The following CTR9 variants were observed in gnomAD, a reference collection of about 807,000 sequenced individuals.
CTR9 encodes the protein RNA polymerase-associated protein CTR9 homolog.
In CTR9, 41 loss-of-function variants were observed where a neutral mutation model predicts 152.1. The ratio of observed to expected loss-of-function variants is 0.27; its 90% CI spans 0.21 to 0.35. The LOEUF (loss-of-function observed/expected upper bound fraction) is 0.35. Ranked by LOEUF, CTR9 falls within the 10% of genes least tolerant of loss-of-function variation. The pLI, the probability that CTR9 is intolerant of heterozygous loss-of-function variation, is 1.00. For synonymous variants in CTR9, 476 were observed against 496.2 expected (o/e 0.96, Z 0.54); for missense variants, 917 against 1,424.4 (o/e 0.64, Z 5.73).
At chr11:10,769,767 T>A (rs756390394) in intron 16 of CTR9, among the ~76,000 whole-genome samples, 22 of 152,214 alleles carry the variant, frequency 1.4e-4, no homozygotes, top group Admixed American at 4.6e-4. Flanking sequence ...ACCAAGAAGT[T>A]AACAACCAGA....
intron 24 of CTR9, among the ~76,000 whole-genome samples, chr11:10,777,269 C>T (rs775382089): frequency 4.0e-5 from 6 of 151,782 alleles, no homozygotes; most frequent in Admixed American, 6.6e-5. Flanking sequence ...AGGTGGCTCA[C>T]GCCTATAATC....
rs371896527 is a variant in CTR9 at position 10,770,226 on chromosome 11, G to A, written c.2126G>A (p.Arg709Gln). 2.1e-5 allele frequency: 33 copies of A among 1,608,406 alleles called. No homozygotes were observed. The highest frequency in any genetic ancestry group is 2.4e-5 in the Non-Finnish European group (28 of 1,178,478). Reference sequence around the variant, plus strand: ...TTACTGTAGTATGAAAACTGCCTCCGAAAGTTCTATAAGCACCAAAACACT... The same window carrying A: ...TTACTGTAGTATGAAAACTGCCTCCAAAAGTTCTATAAGCACCAAAACACT... ...SAVQMYENCL[R>Q]KFYKHQNTEV... is the part of the protein sequence containing the mutation. The change falls in exon 17 of 25, where the codon CGA (arginine) becomes CAA (glutamine). Residue 709 changes from arginine (R) to glutamine (Q), a missense_variant. Around this residue, in one of 9 missense-constraint regions of CTR9, gnomAD observed 87 missense variants for 235.7 expected, o/e 0.37. Coordinates refer to ENST00000361367, the MANE Select transcript of CTR9 (RefSeq NM_014633.5).
At chr11:10,753,683 A>AAT (rs947076737) in intron 2 of CTR9, among the ~76,000 whole-genome samples, 39 of 148,236 alleles carry the variant, frequency 2.6e-4, no homozygotes, top group African/African-American at 9.3e-4. Context: ...ATGTATATAT[A>AAT]ATATATATTA....
In CTR9 at chr11:10,756,734, T is replaced by C. The variant is rs776605267; in HGVS notation, c.503-15T>C. The C allele has an allele frequency of 1.3e-6, 2 of 1,589,960 alleles. No individual in the cohort carries two copies. The highest frequency in any genetic ancestry group is 2.2e-5 in the East Asian group (1 of 44,674). On this transcript the variant is annotated splice_polypyrimidine_tract_variant and intron_variant, in intron 4 of 24. Coordinates refer to ENST00000361367, the MANE Select transcript of CTR9 (RefSeq NM_014633.5). Reference sequence around the variant, plus strand: ...TTTAATCAGACACTGTGTTTATTTTTAAAAATCATTACAGGTAAAGCTTGC... The same window carrying C: ...TTTAATCAGACACTGTGTTTATTTTCAAAAATCATTACAGGTAAAGCTTGC...
chr11:10,777,579 T>A (rs893609710), intron 24 of CTR9, among the ~76,000 whole-genome samples: 1 of 152,134 alleles, frequency 6.6e-6, no homozygotes, highest in African/African-American at 2.4e-5. Flanking sequence ...CTGAGCACTA[T>A]TAAATGTGTT....
Position 10,778,851 on chromosome 11 carries a change from C to A in CTR9, c.3268C>A (p.Pro1090Thr). Residue 1090 changes from proline (P) to threonine (T), a missense_variant, in exon 25 of 25, where the codon CCA becomes ACA. Physicochemically the swap from Pro to Thr is conservative, Grantham distance 38. This residue lies in a region of CTR9 where 384 missense variants were observed against 398.4 expected (regional missense o/e 0.96). Transcript: ENST00000361367. ...RSDQDSDSDQ[P>T]SRKRRPSGSE... ...AGATCAGGACTCAGACAGTGACCAG[C>A]CATCCAGAAAGAGAAGGCCCTCCGG... is the stretch of plus-strand genomic sequence containing the variant. 6.2e-7 allele frequency: 1 copy of A among 1,614,234 alleles called. No individual in the cohort carries two copies. The highest frequency in any genetic ancestry group is 8.5e-7 in the Non-Finnish European group (1 of 1,180,036).
At chr11:10,766,349 T>C in intron 12 of CTR9, 53 bp from the exon 13 acceptor site, 7 of 1,355,524 alleles carry the variant, frequency 5.2e-6, no homozygotes, top group East Asian at 2.3e-5. Flanking sequence ...TTTAAAATTA[T>C]GATCCTTTAT....
At chr11:10,774,271 C>G (rs1246676958) in intron 22 of CTR9, 102 bp downstream of exon 22, 10 of 1,397,858 alleles carry the variant, frequency 7.2e-6, no homozygotes, top group Non-Finnish European at 9.6e-6. Context: ...ACACTTGATC[C>G]AAACAGTGAA....
chr11:10,772,227 C>T (rs762432702), intron 19 of CTR9, among the ~76,000 whole-genome samples: 6 of 151,890 alleles, frequency 4.0e-5, no homozygotes, highest in Admixed American at 1.3e-4. Flanking sequence ...TGGTGGTGCA[C>T]ACCTGTAATC....
chr11:10,763,304 A>C (rs1406739533), intron 7 of CTR9, 127 bp from the exon 8 acceptor site: 1 of 695,902 alleles, frequency 1.4e-6, no homozygotes, highest in African/African-American at 1.8e-5. Context: ...TATAGCACTG[A>C]AAGGCAACTA....
chr11:10,764,283 T>G (rs780346530), intron 10 of CTR9, 25 bp from the exon 11 acceptor site: 6 of 1,613,834 alleles, frequency 3.7e-6, no homozygotes, highest in Non-Finnish European at 5.1e-6. Context: ...ACTTACACCT[T>G]TTTCTGTCAA....
intron 16 of CTR9, among the ~76,000 whole-genome samples, chr11:10,769,275 A>C (rs746753179): frequency 6.6e-6 from 1 of 152,222 alleles, no homozygotes; most frequent in African/African-American, 2.4e-5. Flanking sequence ...ATGACTGTAG[A>C]ATTTTTTTAT....
At position 10,763,007 on chromosome 11, in the gene CTR9, C is replaced by CA. The variant is rs765448315; in HGVS notation, c.850-410dup. Among the ~76,000 whole-genome samples, 1,023 of 114,072 alleles carry CA rather than the reference C, an allele frequency of 9.0e-3. 11 individuals carry two copies. Among genetic ancestry groups the CA allele is most frequent in the Middle Eastern group, 0.048 (9 of 186 alleles). 74.8% of individuals were successfully genotyped at this position (114,072 alleles called of 152,430 possible). ...CATGCAACAGAGTGAGACCCTGTCT[C>CA]AAAAAAAAAAAAAAGTGCGCTTTAT... On this transcript the variant is annotated intron_variant, in intron 7 of 24. Transcript: ENST00000361367.
chr11:10,768,632 G>A, intron 16 of CTR9, 141 bp downstream of exon 16: 1 of 873,700 alleles, frequency 1.1e-6, no homozygotes, highest in South Asian at 2.4e-5. Context: ...ATTATATAAT[G>A]CTAAGGCCAG....
At position 10,770,558 on chromosome 11, in the gene CTR9, C is replaced by G; in HGVS notation, c.2298C>G (p.Thr766=). The part of the protein sequence containing the change: ...NVALVLQRLA[T]SVLKDEKSNL... ...CCTTGGTCCTGCAAAGATTAGCTAC[C>G]TCTGTCCTGAAAGATGAAAAAAGTA... Residue 766 remains threonine, a synonymous_variant, in exon 18 of 25, where the codon ACC becomes ACG. Coordinates refer to ENST00000361367, the MANE Select transcript of CTR9 (RefSeq NM_014633.5). 1 of 1,613,928 alleles carries G rather than the reference C, an allele frequency of 6.2e-7. No individual in the cohort carries two copies. The highest frequency in any genetic ancestry group is 8.5e-7 in the Non-Finnish European group (1 of 1,179,932).
intron 22 of CTR9, 93 bp from the exon 23 acceptor site, chr11:10,775,114 G>A (rs553915221): frequency 4.1e-4 from 401 of 969,338 alleles, no homozygotes; most frequent in Non-Finnish European, 5.8e-4. Context: ...ATATAGAAGA[G>A]GATTCAGAAT....
chr11:10,751,523 T>A, intron 1 of CTR9, 66 bp downstream of exon 1: 1 of 1,505,744 alleles, frequency 6.6e-7, no homozygotes, highest in Non-Finnish European at 9.2e-7. Flanking sequence ...CCGACTTCGC[T>A]CGACTTCGTT....
At position 10,778,835 on chromosome 11, in the gene CTR9, C is replaced by T. The variant is rs943396191; in HGVS notation, c.3252C>T (p.Asp1084=). 28 of 1,614,108 alleles carry T rather than the reference C, an allele frequency of 1.7e-5. No individual in the cohort carries two copies. The highest frequency in any genetic ancestry group is 5.3e-5 in the African/African-American group (4 of 74,928). Residue 1084 remains aspartate (D), a synonymous_variant, in exon 25 of 25, where the codon GAC becomes GAT. Transcript: ENST00000361367. ...CACGAAGACAGCGGTCAGATCAGGA[C>T]TCAGACAGTGACCAGCCATCCAGAA... The part of the protein sequence containing the change: ...RRPRRQRSDQ[D]SDSDQPSRKR...
At chr11:10,758,007 C>T (rs1429725984) in intron 5 of CTR9, among the ~76,000 whole-genome samples, 4 of 151,996 alleles carry the variant, frequency 2.6e-5, no homozygotes, top group Non-Finnish European at 5.9e-5. Context: ...TACAAAGGTC[C>T]AGAGGAAAGA....
Sources: gnomAD v4.1 joint callset for allele counts (sites outside exome capture counted in the v4.1 genomes callset) on GRCh38, gnomAD v4.1.1 for gene constraint, gnomAD v4.1.1 regional missense constraint, MANE v1.5 for transcripts, NCBI Gene and HGNC (gene_info 2026-07-23, HGNC 2026-07-21) for gene names.